The following PRKN variants were observed in gnomAD, a reference collection of about 807,000 sequenced individuals.
The protein encoded by PRKN is parkin RBR E3 ubiquitin protein ligase.
In PRKN, 56 loss-of-function variants were observed where a neutral mutation model predicts 59.5. The ratio of observed to expected loss-of-function variants is 0.94; its 90% CI spans 0.76 to 1.18. PRKN has a LOEUF of 1.18. Ranked by LOEUF, PRKN falls within the 50% of genes most tolerant of loss-of-function variation. The probability of loss-of-function intolerance (pLI) is 0.00; values close to 1 mark genes in which losing one functional copy is unlikely to be tolerated. For missense variants in PRKN, 657 were observed against 596.4 expected (o/e 1.10, Z -1.06); for synonymous variants, 250 against 222.1 (o/e 1.13, Z -1.12).
chr6:162,681,250 T>G (rs184920607), intron 1 of PRKN, among the ~76,000 whole-genome samples: 1 of 152,284 alleles, frequency 6.6e-6, no homozygotes. Flanking sequence ...ACTCTATAAG[T>G]TATTAAAATA....
rs529744300 is a variant in PRKN at position 161,598,442 on chromosome 6, T to C, written c.872-29026A>G. ...GAAAGAGAGAGATCACCGTGAGTTATCTACTTAACATACGGGCTTGGTCAC... is the reference window on the plus strand; with the variant it reads ...GAAAGAGAGAGATCACCGTGAGTTACCTACTTAACATACGGGCTTGGTCAC... On this transcript the variant is annotated intron_variant, in intron 7 of 11. Coordinates refer to ENST00000366898, the MANE Select transcript of PRKN (RefSeq NM_004562.3). 3.9e-5 allele frequency among the ~76,000 whole-genome samples: 6 copies of C among 152,228 alleles called. 1 individual carries two copies. Among genetic ancestry groups the C allele is most frequent in the African/African-American group, 1.2e-4 (5 of 41,460 alleles).
intron 6 of PRKN, among the ~76,000 whole-genome samples, chr6:161,787,548 A>T (rs1790469892): frequency 6.6e-6 from 1 of 152,228 alleles, no homozygotes; most frequent in African/African-American, 2.4e-5. Flanking sequence ...TGCTTTCAGC[A>T]ACATGGTAGA....
At chr6:162,410,569 G>C (rs924030740) in intron 2 of PRKN, among the ~76,000 whole-genome samples, 5 of 152,164 alleles carry the variant, frequency 3.3e-5, no homozygotes, top group African/African-American at 1.2e-4. Flanking sequence ...TCTACTGTCA[G>C]GAAGCCTGCC....
At chr6:162,534,950 C>G (rs1256631895) in intron 1 of PRKN, among the ~76,000 whole-genome samples, 1 of 152,150 alleles carries the variant, frequency 6.6e-6, no homozygotes, top group African/African-American at 2.4e-5. Flanking sequence ...AAGAACACTA[C>G]TTCTTCAATG....
At chr6:162,388,143 T>C (rs1362136856) in intron 2 of PRKN, among the ~76,000 whole-genome samples, 2 of 152,168 alleles carry the variant, frequency 1.3e-5, no homozygotes, top group Non-Finnish European at 2.9e-5. Flanking sequence ...TTCTTCGGGC[T>C]GGCCCTGGGG....
intron 2 of PRKN, among the ~76,000 whole-genome samples, chr6:162,400,264 A>C (rs1281448623): frequency 6.6e-6 from 1 of 152,004 alleles, no homozygotes; most frequent in Non-Finnish European, 1.5e-5. Context: ...TTGAATCTAC[A>C]TATGGAAATA....
intron 4 of PRKN, among the ~76,000 whole-genome samples, chr6:162,085,986 G>A (rs1348363553): frequency 6.6e-6 from 1 of 152,060 alleles, no homozygotes; most frequent in Non-Finnish European, 1.5e-5. Flanking sequence ...CATCCTATTA[G>A]TCCCCCTAAT....
chr6:162,530,264 T>C (rs1778458311), intron 1 of PRKN, among the ~76,000 whole-genome samples: 1 of 152,164 alleles, frequency 6.6e-6, no homozygotes, highest in Non-Finnish European at 1.5e-5. Flanking sequence ...TTATCTTCAT[T>C]TGTATCACTT....
chr6:162,437,279 A>G (rs1039958584), intron 2 of PRKN, among the ~76,000 whole-genome samples: 3 of 149,408 alleles, frequency 2.0e-5, no homozygotes, highest in Non-Finnish European at 3.0e-5. Context: ...TTTAAAAGAG[A>G]GACAAATAGC....
intron 2 of PRKN, among the ~76,000 whole-genome samples, chr6:162,324,069 T>C (rs555951943): frequency 5.9e-5 from 9 of 152,208 alleles, no homozygotes; most frequent in African/African-American, 1.7e-4. Flanking sequence ...TTCTAGTGTG[T>C]AGATTTACCA....
At chr6:161,681,989 C>T (rs1785382461) in intron 7 of PRKN, among the ~76,000 whole-genome samples, 1 of 152,244 alleles carries the variant, frequency 6.6e-6, no homozygotes, top group African/African-American at 2.4e-5. Flanking sequence ...GTCTCCTGGA[C>T]TCCTGAGAGG....
intron 1 of PRKN, among the ~76,000 whole-genome samples, chr6:162,712,186 T>G (rs904194514): frequency 2.6e-5 from 4 of 152,202 alleles, no homozygotes; most frequent in African/African-American, 9.6e-5. Context: ...ACAGTTTTCC[T>G]TGGTCTTCTT....
intron 5 of PRKN, among the ~76,000 whole-genome samples, chr6:162,036,311 G>C (rs145783272): frequency 2.6e-5 from 4 of 151,790 alleles, no homozygotes; most frequent in Non-Finnish European, 5.9e-5. Flanking sequence ...GCAACAGAGC[G>C]AGACCCCGTC....
Position 162,437,701 on chromosome 6 carries a change from C to A in PRKN, c.171+5609G>T, listed in dbSNP as rs531389290. On this transcript the variant is annotated intron_variant, in intron 2 of 11. Coordinates refer to ENST00000366898, the MANE Select transcript of PRKN (RefSeq NM_004562.3). The stretch of plus-strand genomic sequence containing the variant: ...TCAGTGTACGATCTTTGGGGATGGG[C>A]TTTTTCCACACAGCACATTTCCCCT... Among the ~76,000 whole-genome samples the A allele has an allele frequency of 1.8e-4, 27 of 152,174 alleles. 1 individual carries two copies. Among genetic ancestry groups the A allele is most frequent in the Non-Finnish European group, 3.4e-4 (23 of 68,000 alleles).
At chr6:162,261,957 G>C (rs1779906057) in intron 3 of PRKN, among the ~76,000 whole-genome samples, 1 of 152,130 alleles carries the variant, frequency 6.6e-6, no homozygotes. Context: ...GTATGTGGGA[G>C]GAAAATCAAC....
At chr6:162,133,494 T>G (rs916259517) in intron 4 of PRKN, among the ~76,000 whole-genome samples, 2 of 152,072 alleles carry the variant, frequency 1.3e-5, no homozygotes, top group Non-Finnish European at 1.5e-5. Flanking sequence ...ATGTAATATT[T>G]GAGATGCTAG....
intron 5 of PRKN, among the ~76,000 whole-genome samples, chr6:162,014,529 T>G (rs1782859554): frequency 1.3e-5 from 2 of 152,190 alleles, no homozygotes; most frequent in African/African-American, 2.4e-5. Flanking sequence ...TGGAGCCTTT[T>G]GTTGGGTCAC....
intron 6 of PRKN, among the ~76,000 whole-genome samples, chr6:161,792,788 A>C (rs544554116): frequency 1.3e-5 from 2 of 152,336 alleles, no homozygotes; most frequent in East Asian, 3.9e-4. Context: ...CATTTAACAC[A>C]GTATTTGATT....
chr6:162,591,706 G>A (rs1781313844), intron 1 of PRKN, among the ~76,000 whole-genome samples: 1 of 152,024 alleles, frequency 6.6e-6, no homozygotes, highest in Non-Finnish European at 1.5e-5. Context: ...TTAAACTTCA[G>A]TTAAGCTAAC....
Sources: allele counts gnomAD v4.1 joint callset (sites outside exome capture counted in the v4.1 genomes callset), GRCh38; gene constraint gnomAD v4.1.1; transcripts MANE v1.5; gene names NCBI Gene and HGNC (gene_info 2026-07-23, HGNC 2026-07-21).